SLC4A10: variants seen among roughly 807,000 people sequenced by gnomAD.
SLC4A10 encodes sodium-driven chloride bicarbonate exchanger.
SLC4A10 carries 42 observed loss-of-function variants against 137.7 expected under a neutral mutation model. That is an observed-to-expected ratio of 0.30 (90% CI 0.24 to 0.39). The LOEUF is 0.39. Among genes scored for constraint, SLC4A10 ranks in the 10% least tolerant of loss-of-function variants. The pLI, the probability that SLC4A10 is intolerant of heterozygous loss-of-function variation, is 1.00. For synonymous variants in SLC4A10, 474 were observed against 464.1 expected, an observed-to-expected ratio of 1.02 and a Z score of -0.27; for missense variants, 925 against 1,355.0, an observed-to-expected ratio of 0.68 and a Z score of 4.98.
intron 19 of SLC4A10, among the ~76,000 whole-genome samples, 182 bp downstream of exon 19, chr2:161,951,030 T>C (rs983144655): frequency 6.6e-6 from 1 of 152,172 alleles, no homozygotes; most frequent in Admixed American, 6.6e-5. Context: ...AATTTACTTA[T>C]TTGTAGCACT....
intron 21 of SLC4A10, among the ~76,000 whole-genome samples, chr2:161,961,097 C>A (rs902070307): frequency 6.6e-6 from 1 of 152,156 alleles, no homozygotes; most frequent in Non-Finnish European, 1.5e-5. Context: ...AACTGAAAAG[C>A]AAAAATAAAT....
intron 3 of SLC4A10, among the ~76,000 whole-genome samples, chr2:161,831,662 CA>C (rs1252635429): frequency 6.6e-6 from 1 of 151,544 alleles, no homozygotes; most frequent in African/African-American, 2.4e-5. Flanking sequence ...ATAATCTGTA[CA>C]AAATATAATG....
At chr2:161,846,018 TTC>T (rs2059469137) in intron 4 of SLC4A10, among the ~76,000 whole-genome samples, 1 of 152,084 alleles carries the variant, frequency 6.6e-6, no homozygotes, top group African/African-American at 2.4e-5. Context: ...CTGTGAAAGA[TTC>T]TGTTAAGTGG....
chr2:161,876,064 T>G (rs1249077058), intron 8 of SLC4A10, among the ~76,000 whole-genome samples: 2 of 152,214 alleles, frequency 1.3e-5, no homozygotes, highest in Non-Finnish European at 2.9e-5. Context: ...GAAATGTAAC[T>G]GTTTCTCATC....
intron 15 of SLC4A10, among the ~76,000 whole-genome samples, chr2:161,926,565 G>T (rs1422566922): frequency 6.8e-6 from 1 of 147,616 alleles, no homozygotes; most frequent in Non-Finnish European, 1.5e-5. Context: ...TACCTTTAAG[G>T]TTAATATTGT....
chr2:161,903,873 C>A, intron 12 of SLC4A10, 131 bp from the exon 13 acceptor site: 1 of 835,276 alleles, frequency 1.2e-6, no homozygotes, highest in Non-Finnish European at 1.8e-6. Context: ...GACAATGCAG[C>A]AGGTTAATGT....
chr2:161,766,813 C>T (rs1481296329), intron 1 of SLC4A10, among the ~76,000 whole-genome samples: 2 of 150,986 alleles, frequency 1.3e-5, no homozygotes, highest in East Asian at 3.9e-4. Context: ...GGCTGTGAAT[C>T]CTGTTTTATT....
chr2:161,639,001 AC>A (rs1409839034), intron 1 of SLC4A10, among the ~76,000 whole-genome samples: 1 of 152,056 alleles, frequency 6.6e-6, no homozygotes, highest in Non-Finnish European at 1.5e-5. Context: ...ATTATCAACA[AC>A]TATACAACAA....
At chr2:161,677,436 C>T (rs2040388002) in intron 1 of SLC4A10, among the ~76,000 whole-genome samples, 2 of 152,138 alleles carry the variant, frequency 1.3e-5, no homozygotes, top group South Asian at 2.1e-4. Flanking sequence ...TTTGATGAGG[C>T]TAGTGCTCTG....
chr2:161,806,781 C>T (rs1363610132), intron 3 of SLC4A10, among the ~76,000 whole-genome samples: 1 of 152,154 alleles, frequency 6.6e-6, no homozygotes, highest in Admixed American at 6.5e-5. Context: ...CCACATTTTC[C>T]TATCTTCTTC....
At chr2:161,675,685 A>C (rs1251217536) in intron 1 of SLC4A10, among the ~76,000 whole-genome samples, 2 of 152,200 alleles carry the variant, frequency 1.3e-5, no homozygotes, top group East Asian at 3.9e-4. Flanking sequence ...TACTTTTATA[A>C]TTCCATGGAC....
intron 2 of SLC4A10, among the ~76,000 whole-genome samples, chr2:161,774,228 T>C (rs1456470263): frequency 6.6e-6 from 1 of 151,884 alleles, no homozygotes; most frequent in Non-Finnish European, 1.5e-5. Flanking sequence ...ACTATCTAAG[T>C]ATAAGATTAT....
At chr2:161,696,915 T>C (rs1574413416) in intron 1 of SLC4A10, among the ~76,000 whole-genome samples, 1 of 152,080 alleles carries the variant, frequency 6.6e-6, no homozygotes, top group African/African-American at 2.4e-5. Context: ...AGTTTACAGT[T>C]CCACCAACAG....
At chr2:161,917,982 C>A (rs1030083112) in intron 15 of SLC4A10, among the ~76,000 whole-genome samples, 1 of 152,186 alleles carries the variant, frequency 6.6e-6, no homozygotes, top group African/African-American at 2.4e-5. Context: ...CTAAGGTAAA[C>A]CCCAAGACAT....
chr2:161,981,096 G>A (rs1276330320), intron 26 of SLC4A10, among the ~76,000 whole-genome samples: 1 of 152,196 alleles, frequency 6.6e-6, no homozygotes, highest in Non-Finnish European at 1.5e-5. Flanking sequence ...TTATTGTTTT[G>A]TAACCAAACA....
At chr2:161,955,981 G>A (rs1695593911) in intron 19 of SLC4A10, among the ~76,000 whole-genome samples, 2 of 152,086 alleles carry the variant, frequency 1.3e-5, no homozygotes, top group African/African-American at 4.8e-5. Flanking sequence ...CTTATTGTGT[G>A]CCAATGATTG....
At chr2:161,710,630 C>T (rs1441726744) in intron 1 of SLC4A10, 2 of 447,438 alleles carry the variant, frequency 4.5e-6, no homozygotes, top group Middle Eastern at 6.6e-4. Flanking sequence ...TAATCTTGAT[C>T]TTTGGAATGA....
chr2:161,970,996 GA>G (rs1297772127), intron 23 of SLC4A10, among the ~76,000 whole-genome samples: 1 of 148,124 alleles, frequency 6.8e-6, no homozygotes, highest in African/African-American at 2.4e-5. Flanking sequence ...TTCCCACCTG[GA>G]GTTTCTTCCC....
intron 1 of SLC4A10, among the ~76,000 whole-genome samples, chr2:161,685,810 C>T (rs1014947838): frequency 6.6e-6 from 1 of 152,054 alleles, no homozygotes; most frequent in African/African-American, 2.4e-5. Context: ...CTGTATCATC[C>T]AAGGTTATTT....
Sources: gnomAD v4.1 joint callset for allele counts (sites outside exome capture counted in the v4.1 genomes callset) on GRCh38, gnomAD v4.1.1 for gene constraint, MANE v1.5 for transcripts, NCBI Gene and HGNC (gene_info 2026-07-23, HGNC 2026-07-21) for gene names.